The following BFSP1 variants were observed in gnomAD, a reference collection of about 807,000 sequenced individuals.
BFSP1 encodes the protein filensin.
In BFSP1, 38 loss-of-function variants were observed where a neutral mutation model predicts 43.9. The ratio of observed to expected loss-of-function variants is 0.87; its 90% CI spans 0.67 to 1.14. BFSP1 has a LOEUF of 1.14. Among genes scored for constraint, BFSP1 ranks in the 50% most tolerant of loss-of-function variants. The pLI is 0.00. For synonymous variants in BFSP1, 352 were observed against 354.8 expected (o/e 0.99, Z 0.09); for missense variants, 850 against 875.1 (o/e 0.97, Z 0.36).
At chr20:17,515,685 C>A (rs909403427) in intron 2 of BFSP1, among the ~76,000 whole-genome samples, 1 of 152,132 alleles carries the variant, frequency 6.6e-6, no homozygotes, top group African/African-American at 2.4e-5. Flanking sequence ...TATACTTTGG[C>A]ATCTTCGGTG....
At chr20:17,524,262 C>G (rs2235586) in intron 2 of BFSP1, among the ~76,000 whole-genome samples, 24,231 of 152,084 alleles carry the variant, frequency 0.16, 3,886 homozygotes, top group African/African-American at 0.41. Context: ...TAGTTAGAAT[C>G]ATGATGAAGA....
intron 5 of BFSP1, 34 bp from the exon 6 acceptor site, chr20:17,499,074 C>T (rs1164727098): frequency 3.0e-5 from 47 of 1,592,430 alleles, no homozygotes; most frequent in Non-Finnish European, 3.9e-5. Flanking sequence ...GAAAATCCAT[C>T]CCCCTTCTTC....
chr20:17,516,657 G>A (rs1175024512), intron 2 of BFSP1, among the ~76,000 whole-genome samples: 1 of 152,178 alleles, frequency 6.6e-6, no homozygotes, highest in South Asian at 2.1e-4. Context: ...TGGTAAGGGA[G>A]TGGCCAACCC....
chr20:17,499,049 A>G lies in BFSP1; in HGVS notation c.736-9T>C. 1 of 1,612,904 alleles carries G rather than the reference A, an allele frequency of 6.2e-7. No homozygotes were observed. The highest frequency in any genetic ancestry group is 8.5e-7 in the Non-Finnish European group (1 of 1,178,898). ...TGTTCCAGAGTTGTTGTCTGTGGGCAAGGACACGCTGTAAGAAAATCCATC... is the reference window on the plus strand; with the variant it reads ...TGTTCCAGAGTTGTTGTCTGTGGGCGAGGACACGCTGTAAGAAAATCCATC... On this transcript the variant is annotated splice_polypyrimidine_tract_variant and intron_variant, in intron 5 of 7. Transcript: ENST00000377873.
chr20:17,527,038 C>A (rs1600663843), intron 1 of BFSP1, among the ~76,000 whole-genome samples: 2 of 152,200 alleles, frequency 1.3e-5, no homozygotes, highest in East Asian at 3.8e-4. Flanking sequence ...TGCTAGAAAA[C>A]CACACCACCA....
intron 3 of BFSP1, among the ~76,000 whole-genome samples, chr20:17,513,003 A>T (rs1302740242): frequency 1.3e-5 from 2 of 152,176 alleles, no homozygotes; most frequent in Non-Finnish European, 2.9e-5. Flanking sequence ...CTTGGCCAAC[A>T]AATGGTCATC....
At chr20:17,522,516 T>G (rs1466081793) in intron 2 of BFSP1, among the ~76,000 whole-genome samples, 1 of 152,216 alleles carries the variant, frequency 6.6e-6, no homozygotes, top group Non-Finnish European at 1.5e-5. Context: ...TTACGTAGGT[T>G]TATTTGGAAA....
upstream of BFSP1, among the ~76,000 whole-genome samples, chr20:17,561,001 T>C (rs947096495): frequency 1.3e-5 from 2 of 152,240 alleles, no homozygotes; most frequent in Non-Finnish European, 2.9e-5. Flanking sequence ...TAAGGTTTAC[T>C]GTGAAATTTC....
chr20:17,497,440 ACG>A (rs2033661077), intron 6 of BFSP1, among the ~76,000 whole-genome samples: 1 of 63,366 alleles, frequency 1.6e-5, no homozygotes, highest in South Asian at 6.1e-4. Flanking sequence ...ATGTATATAT[ACG>A]TGTATGTATA....
chr20:17,550,940 G>A (rs1037701929), intron 1 of BFSP1, among the ~76,000 whole-genome samples: 32 of 152,214 alleles, frequency 2.1e-4, no homozygotes, highest in Middle Eastern at 3.4e-3. Flanking sequence ...CCAGTTTTAC[G>A]ATGGAGTTGA....
intron 6 of BFSP1, among the ~76,000 whole-genome samples, chr20:17,497,482 G>T (rs977261019): frequency 1.0e-5 from 1 of 100,018 alleles, no homozygotes; most frequent in African/African-American, 3.5e-5. Flanking sequence ...GTATATATAC[G>T]TGTGTATATA....
rs907449541 is a variant in BFSP1 at position 17,508,873 on chromosome 20, G to A, written c.735+16C>T. Reference sequence around the variant, plus strand: ...TGTGGGAAGCCCCAATGCACACGCGGCAGACTCGAGCGTACCTGTGCCTGC... The same window carrying A: ...TGTGGGAAGCCCCAATGCACACGCGACAGACTCGAGCGTACCTGTGCCTGC... On this transcript the variant is annotated intron_variant, in intron 5 of 7. Transcript: ENST00000377873. The A allele has an allele frequency of 2.6e-6, 4 of 1,550,788 alleles. No individual in the cohort carries two copies. Among genetic ancestry groups the A allele is most frequent in the East Asian group, 2.4e-5 (1 of 42,112 alleles).
At chr20:17,527,026 G>A (rs1037571815) in intron 1 of BFSP1, among the ~76,000 whole-genome samples, 4 of 152,194 alleles carry the variant, frequency 2.6e-5, no homozygotes, top group Non-Finnish European at 5.9e-5. Flanking sequence ...AACCATGAAA[G>A]GTGCTAGAAA....
At chr20:17,526,483 T>C (rs1197892422) in intron 1 of BFSP1, among the ~76,000 whole-genome samples, 1 of 152,220 alleles carries the variant, frequency 6.6e-6, no homozygotes, top group Non-Finnish European at 1.5e-5. Flanking sequence ...TTCAACCATA[T>C]TGTAGCATAT....
intron 5 of BFSP1, 125 bp from the exon 6 acceptor site, chr20:17,499,165 C>T (rs2033730908): frequency 6.1e-6 from 5 of 825,616 alleles, no homozygotes; most frequent in African/African-American, 5.1e-5. Flanking sequence ...TCTGTCCATT[C>T]GAGATTAGCA....
At chr20:17,563,437 C>T (rs1293366621), upstream of BFSP1, among the ~76,000 whole-genome samples, 1 of 139,950 alleles carries the variant, frequency 7.1e-6, no homozygotes, top group Non-Finnish European at 1.5e-5. Flanking sequence ...CGTGCTGTTG[C>T]CTCCCAGGTC....
At chr20:17,516,930 A>G in intron 2 of BFSP1, 2 of 725,890 alleles carry the variant, frequency 2.8e-6, no homozygotes, top group South Asian at 2.9e-5. Flanking sequence ...AAAGGCCAAG[A>G]CCCAGGATAA....
Position 17,530,094 on chromosome 20 carries a change from T to C in BFSP1, c.377+859A>G, listed in dbSNP as rs150241942. ...CCTGGGGAGCTTGTTAAAATGCAGA[T>C]TCTGATTCTGGAGTTCTAGGGTGGG... is the stretch of plus-strand genomic sequence containing the variant. On this transcript the variant is annotated intron_variant, in intron 1 of 7. Coordinates refer to ENST00000377873, the MANE Select transcript of BFSP1 (RefSeq NM_001195.5). Among the ~76,000 whole-genome samples the C allele has an allele frequency of 1.6e-4, 24 of 152,338 alleles. No individual in the cohort carries two copies. The East Asian group carries it at 4.6e-3, about 29-fold the overall frequency.
At chr20:17,560,109 C>T (rs1464861324), upstream of BFSP1, among the ~76,000 whole-genome samples, 3 of 151,840 alleles carry the variant, frequency 2.0e-5, no homozygotes, top group South Asian at 2.1e-4. Context: ...CTGCTACCCC[C>T]GAGAAGACAG....
Sources: allele counts gnomAD v4.1 joint callset (sites outside exome capture counted in the v4.1 genomes callset), GRCh38; gene constraint gnomAD v4.1.1; transcripts MANE v1.5; gene names NCBI Gene and HGNC (gene_info 2026-07-23, HGNC 2026-07-21).